The following ADARB2 variants were observed in gnomAD, a reference collection of about 807,000 sequenced individuals.
ADARB2 encodes the protein adenosine deaminase RNA specific B2 (inactive), also known as inactive double-stranded RNA-specific editase B2.
Under a neutral mutation model 62.2 loss-of-function variants are expected in ADARB2, and 25 were observed. The ratio of observed to expected loss-of-function variants is 0.40; its 90% CI spans 0.29 to 0.56. ADARB2 has a LOEUF of 0.56. Ranked by LOEUF, ADARB2 falls within the 20% of genes least tolerant of loss-of-function variation. The pLI, the probability that ADARB2 is intolerant of heterozygous loss-of-function variation, is 0.43. For missense variants in ADARB2, 1,071 were observed against 1,077.4 expected (o/e 0.99, Z 0.08); for synonymous variants, 572 against 500.8 (o/e 1.14, Z -1.90).
At chr10:1,663,173 G>C (rs1276184612) in intron 1 of ADARB2, among the ~76,000 whole-genome samples, 1 of 152,232 alleles carries the variant, frequency 6.6e-6, no homozygotes, top group Non-Finnish European at 1.5e-5. Flanking sequence ...TTACAGAAAA[G>C]TTGAGCAGAA....
chr10:1,363,776 A>G lies in ADARB2; in HGVS notation c.329T>C (p.Leu110Ser). The change falls in exon 3 of 10, where the codon TTG becomes TCG. Residue 110 changes from leucine (L) to serine (S), a missense_variant. Physicochemically the swap from Leu to Ser is moderately radical, Grantham distance 145. Coordinates refer to ENST00000381312, the MANE Select transcript of ADARB2 (RefSeq NM_018702.4). ...CTTCCAGACCAGCTGCAGTTTGCAC[A>G]AGTGGCCCCCATTCCCCTCCTCCAG... ...RPLEEGNGGH[L>S]CKLQLVWKKL... 1 of 1,602,102 alleles carries G rather than the reference A, an allele frequency of 6.2e-7. No homozygotes were observed.
At chr10:1,505,492 G>T (rs986927429) in intron 1 of ADARB2, among the ~76,000 whole-genome samples, 1 of 151,864 alleles carries the variant, frequency 6.6e-6, no homozygotes, top group Non-Finnish European at 1.5e-5. Flanking sequence ...CTAAGGTGTC[G>T]TCTGACTCAC....
chr10:1,566,179 T>C (rs185820719), intron 1 of ADARB2, among the ~76,000 whole-genome samples: 1 of 152,052 alleles, frequency 6.6e-6, no homozygotes, highest in East Asian at 1.9e-4. Flanking sequence ...TAAGATGGTT[T>C]ACTTCCTGTG....
chr10:1,257,603 C>T (rs1315321385), intron 4 of ADARB2, among the ~76,000 whole-genome samples: 3 of 152,164 alleles, frequency 2.0e-5, no homozygotes, highest in Non-Finnish European at 2.9e-5. Context: ...AAAAGTCCAA[C>T]GGAGCAGCAG....
At chr10:1,245,592 G>T (rs564852955) in intron 4 of ADARB2, among the ~76,000 whole-genome samples, 3 of 151,388 alleles carry the variant, frequency 2.0e-5, no homozygotes, top group Non-Finnish European at 2.9e-5. Flanking sequence ...GCGGTGTTTG[G>T]TTTTTTGTCC....
intron 1 of ADARB2, among the ~76,000 whole-genome samples, chr10:1,427,207 A>T (rs1832899813): frequency 6.6e-6 from 1 of 152,248 alleles, no homozygotes; most frequent in Non-Finnish European, 1.5e-5. Flanking sequence ...TACAATTCAT[A>T]AAAGAGAAAA....
At chr10:1,322,881 G>A (rs1320617719) in intron 3 of ADARB2, among the ~76,000 whole-genome samples, 3 of 152,068 alleles carry the variant, frequency 2.0e-5, no homozygotes, top group Admixed American at 6.5e-5. Context: ...TTTTCATGAT[G>A]TACATAAATA....
intron 4 of ADARB2, among the ~76,000 whole-genome samples, chr10:1,267,136 T>TG (rs1831212216): frequency 7.7e-6 from 1 of 129,534 alleles, no homozygotes; most frequent in Non-Finnish European, 1.7e-5. Flanking sequence ...AAATCCAAGT[T>TG]AAAAAAAAAA....
intron 1 of ADARB2, among the ~76,000 whole-genome samples, chr10:1,516,104 C>T (rs1488576543): frequency 6.6e-6 from 1 of 152,208 alleles, no homozygotes; most frequent in East Asian, 1.9e-4. Context: ...ACCACACCCT[C>T]TTCCCAGAGG....
intron 6 of ADARB2, among the ~76,000 whole-genome samples, chr10:1,218,276 C>T (rs1374174058): frequency 2.0e-5 from 3 of 152,122 alleles, no homozygotes; most frequent in Non-Finnish European, 4.4e-5. Context: ...GTCTCGAACT[C>T]CTGACCTCAG....
intron 7 of ADARB2, among the ~76,000 whole-genome samples, chr10:1,212,161 T>C (rs778877371): frequency 2.6e-5 from 4 of 152,224 alleles, no homozygotes; most frequent in Non-Finnish European, 5.9e-5. Context: ...CATCCGTATT[T>C]GTGTATGAAG....
In ADARB2 at chr10:1,477,599, G is replaced by A. The variant is rs1157273266; in HGVS notation, c.101-98439C>T. Among the ~76,000 whole-genome samples the A allele has an allele frequency of 2.0e-5, 3 of 152,122 alleles. No individual in the cohort carries two copies. The highest frequency in any genetic ancestry group is 7.2e-5 in the African/African-American group (3 of 41,414). On this transcript the variant is annotated intron_variant, in intron 1 of 9. Transcript: ENST00000381312. This position sits in a 1 kb window ranked among gnomAD's most constrained non-coding sequence, Gnocchi z 4.5. Reference sequence around the variant, plus strand: ...CCAGCCATTGCACCCACAACAACACGGTGATGTGCCAGAAGCAATGAAAAG... The same window carrying A: ...CCAGCCATTGCACCCACAACAACACAGTGATGTGCCAGAAGCAATGAAAAG...
chr10:1,548,399 GTA>G (rs1200227302), intron 1 of ADARB2, among the ~76,000 whole-genome samples: 1 of 152,248 alleles, frequency 6.6e-6, no homozygotes, highest in East Asian at 1.9e-4. Context: ...GTACCAGTGA[GTA>G]CAGAGCCTGA....
At chr10:1,367,203 C>T (rs1313706599) in intron 2 of ADARB2, among the ~76,000 whole-genome samples, 2 of 152,212 alleles carry the variant, frequency 1.3e-5, no homozygotes, top group African/African-American at 2.4e-5. Context: ...CCGTTCAGCT[C>T]GGGGTGAAAA....
chr10:1,733,653 C>A (rs561072866), intron 1 of ADARB2, among the ~76,000 whole-genome samples: 2 of 152,032 alleles, frequency 1.3e-5, no homozygotes, highest in Non-Finnish European at 2.9e-5. Flanking sequence ...AACCCTTTTT[C>A]TTTATTATTT....
intron 2 of ADARB2, among the ~76,000 whole-genome samples, chr10:1,374,593 G>A (rs1382107743): frequency 6.6e-6 from 1 of 152,206 alleles, no homozygotes; most frequent in African/African-American, 2.4e-5. Flanking sequence ...GGTGGGGCCA[G>A]GCCGGGTGGG....
At chr10:1,224,159 GTA>G (rs1250208603) in intron 6 of ADARB2, among the ~76,000 whole-genome samples, 1 of 152,176 alleles carries the variant, frequency 6.6e-6, no homozygotes, top group South Asian at 2.1e-4. Context: ...TTGGGAGGAT[GTA>G]TGTGTCGAGG....
chr10:1,393,502 C>G lies in ADARB2; in HGVS notation c.101-14342G>C, dbSNP rs556565414. 2.0e-5 allele frequency among the ~76,000 whole-genome samples: 3 copies of G among 152,288 alleles called. No homozygotes were observed. In the South Asian group the frequency reaches 6.2e-4, roughly 32 times the overall value. On this transcript the variant is annotated intron_variant, in intron 1 of 9. Coordinates refer to ENST00000381312, the MANE Select transcript of ADARB2 (RefSeq NM_018702.4). ...GTGGGTACGCATTAGCCATCACCACCTTCCCCATCTCATGGTTTAATTTCT... is the reference window on the plus strand; with the variant it reads ...GTGGGTACGCATTAGCCATCACCACGTTCCCCATCTCATGGTTTAATTTCT...
At chr10:1,487,489 A>G (rs747649936) in intron 1 of ADARB2, among the ~76,000 whole-genome samples, 7 of 152,182 alleles carry the variant, frequency 4.6e-5, no homozygotes, top group Admixed American at 6.5e-5. Context: ...GGGCTCACCC[A>G]TGCCCTGCCC....
Sources: gnomAD v4.1 joint callset for allele counts (sites outside exome capture counted in the v4.1 genomes callset) on GRCh38, gnomAD v4.1.1 for gene constraint, Gnocchi (gnomAD v3.1) non-coding constraint, MANE v1.5 for transcripts, NCBI Gene and HGNC (gene_info 2026-07-23, HGNC 2026-07-21) for gene names.